NOSTRIN: variants seen among roughly 807,000 people sequenced by gnomAD.
NOSTRIN encodes nitric oxide synthase trafficking.
Under a neutral mutation model 59.0 loss-of-function variants are expected in NOSTRIN, and 63 were observed. The ratio of observed to expected loss-of-function variants is 1.07; its 90% confidence interval spans 0.87 to 1.32. The LOEUF is 1.32. NOSTRIN is among the 40% of genes most tolerant of loss of function. The pLI is 0.00. For synonymous variants in NOSTRIN, 200 were observed against 165.4 expected, an observed-to-expected ratio of 1.21 and a Z score of -1.61; for missense variants, 512 against 473.1, an observed-to-expected ratio of 1.08 and a Z score of -0.76.
chr2:168,812,770 C>T (rs1686213782), intron 2 of NOSTRIN, among the ~76,000 whole-genome samples: 1 of 152,138 alleles, frequency 6.6e-6, no homozygotes, highest in African/African-American at 2.4e-5. Flanking sequence ...AAGTGTTGGA[C>T]TGTCTTTAGG....
upstream of NOSTRIN, among the ~76,000 whole-genome samples, chr2:168,794,023 ATCTG>A (rs1237935148): frequency 2.0e-5 from 3 of 152,272 alleles, no homozygotes; most frequent in African/African-American, 7.2e-5. Context: ...TATCTTCATA[ATCTG>A]TCTATCATAT....
At chr2:168,838,522 G>T (rs1053152684) in intron 7 of NOSTRIN, among the ~76,000 whole-genome samples, 6 of 152,040 alleles carry the variant, frequency 3.9e-5, no homozygotes, top group African/African-American at 1.4e-4. Context: ...TTACAGGCGC[G>T]AGCCACCGTG....
intron 15 of NOSTRIN, 93 bp from the exon 16 acceptor site, chr2:168,864,741 C>A: frequency 6.9e-7 from 1 of 1,442,342 alleles, no homozygotes; most frequent in East Asian, 2.3e-5. Context: ...CCAAGTAAAT[C>A]CTTGAAGCAG....
At position 168,851,185 on chromosome 2, in the gene NOSTRIN, G is replaced by A. The variant is rs775843727; in HGVS notation, c.729+3G>A. ...TTTTTGGCCAAACCCTGACCACAGT[G>A]AGTAGAGATGATCTCTCCATTTCTG... On this transcript the variant is annotated splice_donor_region_variant and intron_variant, in intron 9 of 15. Coordinates refer to ENST00000317647, the MANE Select transcript of NOSTRIN (RefSeq NM_001039724.4). 1.9e-6 allele frequency: 3 copies of A among 1,614,122 alleles called. No homozygotes were observed. Among genetic ancestry groups the A allele is most frequent in the South Asian group, 2.2e-5 (2 of 91,084 alleles).
chr2:168,822,784 A>G (rs1350771569), intron 2 of NOSTRIN, among the ~76,000 whole-genome samples: 3 of 152,224 alleles, frequency 2.0e-5, no homozygotes, highest in Non-Finnish European at 2.9e-5. Flanking sequence ...TTTGGAGGGC[A>G]TGCCCAGACT....
chr2:168,859,529 C>G lies in NOSTRIN; in HGVS notation c.1071C>G (p.Asp357Glu). ...ATCCACAGAACAATTTGAAACTAGA[C>G]CTTTTGGAAGCGAACTCCTACAAAC... ...ALMDENNLKL[D>E]LLEANSYKLS... Residue 357 changes from aspartate to glutamate, a missense_variant, in exon 13 of 16, where the codon GAC (aspartate) becomes GAG (glutamate). Physicochemically the swap from Asp to Glu is conservative, Grantham distance 45. Coordinates refer to ENST00000317647, the MANE Select transcript of NOSTRIN (RefSeq NM_001039724.4). The G allele has an allele frequency of 1.2e-6, 2 of 1,613,998 alleles. No homozygotes were observed. The highest frequency in any genetic ancestry group is 1.7e-6 in the Non-Finnish European group (2 of 1,179,952).
At chr2:168,844,841 G>T (rs1235939819) in intron 8 of NOSTRIN, among the ~76,000 whole-genome samples, 3 of 150,076 alleles carry the variant, frequency 2.0e-5, no homozygotes, top group Non-Finnish European at 4.4e-5. Flanking sequence ...CTGCACACTA[G>T]CCTAGGCGAC....
intron 8 of NOSTRIN, 137 bp downstream of exon 8, chr2:168,843,254 C>T: frequency 1.8e-6 from 1 of 549,840 alleles, no homozygotes; most frequent in East Asian, 2.9e-5. Context: ...TCAGACAAAC[C>T]ACATTTCCTC....
chr2:168,821,290 A>G (rs1036010235), intron 2 of NOSTRIN, among the ~76,000 whole-genome samples: 1 of 152,242 alleles, frequency 6.6e-6, no homozygotes, highest in African/African-American at 2.4e-5. Context: ...GTGCTCTAAC[A>G]TCGGGGCTGA....
chr2:168,853,073 G>A (rs1688869064), intron 10 of NOSTRIN, among the ~76,000 whole-genome samples: 1 of 152,126 alleles, frequency 6.6e-6, no homozygotes, highest in Non-Finnish European at 1.5e-5. Context: ...AAAGTGTAAG[G>A]AGGCAGCCAT....
At chr2:168,815,683 T>C (rs1287424736) in intron 2 of NOSTRIN, among the ~76,000 whole-genome samples, 1 of 152,216 alleles carries the variant, frequency 6.6e-6, no homozygotes, top group African/African-American at 2.4e-5. Flanking sequence ...CTGGGTGACC[T>C]TAACTCCCAC....
chr2:168,811,535 A>T (rs915681179), intron 1 of NOSTRIN, 32 bp from the exon 2 acceptor site: 1 of 749,320 alleles, frequency 1.3e-6, no homozygotes, highest in Non-Finnish European at 2.3e-6. Flanking sequence ...CTTCCTGTTC[A>T]TTGTTTTTTT....
intron 2 of NOSTRIN, among the ~76,000 whole-genome samples, chr2:168,821,913 A>C (rs1284452911): frequency 6.6e-6 from 1 of 152,242 alleles, no homozygotes; most frequent in Admixed American, 6.5e-5. Context: ...CGTTCCAGAC[A>C]TTGAACCCCT....
upstream of NOSTRIN, among the ~76,000 whole-genome samples, chr2:168,793,233 CCTCCCCA>C (rs763456300): frequency 2.4e-4 from 37 of 152,204 alleles, no homozygotes; most frequent in Non-Finnish European, 4.7e-4. Flanking sequence ...CTGGCAACAG[CCTCCCCA>C]CTCTTCCTAA....
chr2:168,864,022 T>C (rs2105807507), intron 15 of NOSTRIN, among the ~76,000 whole-genome samples: 1 of 151,870 alleles, frequency 6.6e-6, no homozygotes, highest in East Asian at 2.0e-4. Flanking sequence ...GTGATTCTCC[T>C]GCCTCAGTCT....
rs1689020476 is a variant in NOSTRIN, at chr2:168,855,425, A to C, written c.929A>C (p.Gln310Pro). 6 of 1,610,870 alleles carry C rather than the reference A, an allele frequency of 3.7e-6. No individual in the cohort carries two copies. Among genetic ancestry groups the C allele is most frequent in the Non-Finnish European group, 4.2e-6 (5 of 1,177,644 alleles). Residue 310 changes from glutamine (Q) to proline (P), a missense_variant, in exon 11 of 16, where the codon CAG becomes CCG. Transcript: ENST00000317647. The stretch of plus-strand genomic sequence containing the variant: ...CTAAAACCAAAATTATTGAGACTGC[A>C]GAGAGACATTGAAAAAGCCTCAAAA... ...SLLKPKLLRL[Q>P]RDIEKASKDK...
At position 168,843,076 on chromosome 2, in the gene NOSTRIN, A is replaced by G; in HGVS notation, c.589A>G (p.Thr197Ala). The G allele has an allele frequency of 1.1e-6, 1 of 872,750 alleles. No homozygotes were observed. The highest frequency in any genetic ancestry group is 2.0e-6 in the Non-Finnish European group (1 of 501,572). The allele number at this position is 872,750 out of a possible 1,614,324, so 54.1% of individuals were successfully genotyped here. ...CCAAAAAAACATGGCGGGTTATTCT[A>G]CCAGACTGAAATGGGAAAACACACT... is the stretch of plus-strand genomic sequence containing the variant. Reference protein sequence around the residue: ...YYQKNMAGYSTRLKWENTLEN... With the variant: ...YYQKNMAGYSARLKWENTLEN... Residue 197 changes from threonine (T) to alanine (A), a missense_variant, in exon 8 of 16, where the codon ACC (threonine) becomes GCC (alanine). Thr to Ala is a moderately conservative substitution (Grantham distance 58). Coordinates refer to ENST00000317647, the MANE Select transcript of NOSTRIN (RefSeq NM_001039724.4).
chr2:168,826,565 T>G (rs576004039), intron 3 of NOSTRIN, among the ~76,000 whole-genome samples: 2 of 152,188 alleles, frequency 1.3e-5, no homozygotes, highest in South Asian at 2.1e-4. Flanking sequence ...GGGCCAGAGA[T>G]TCTTCCAAGG....
At chr2:168,803,108 C>T (rs1685675630) in intron 1 of NOSTRIN, among the ~76,000 whole-genome samples, 1 of 152,084 alleles carries the variant, frequency 6.6e-6, no homozygotes, top group Non-Finnish European at 1.5e-5. Context: ...TTTTTGGAGT[C>T]AAGGATCACA....
Sources: gnomAD v4.1 joint callset for allele counts (sites outside exome capture counted in the v4.1 genomes callset) on GRCh38, gnomAD v4.1.1 for gene constraint, MANE v1.5 for transcripts, NCBI Gene and HGNC (gene_info 2026-07-23, HGNC 2026-07-21) for gene names.